BEND6: variants seen among roughly 807,000 people sequenced by gnomAD.
The protein encoded by BEND6 is BEN domain-containing protein 6.
BEND6 carries 24 observed loss-of-function variants against 31.8 expected under a neutral mutation model. That is an observed-to-expected ratio of 0.75 (90% CI 0.55 to 1.06). The LOEUF (loss-of-function observed/expected upper bound fraction) is 1.06, where lower values mean the gene tolerates loss of function less well. Among genes scored for constraint, BEND6 ranks in the 50% least tolerant of loss-of-function variants. The pLI is 0.00. For synonymous variants in BEND6, 109 were observed against 114.6 expected, an observed-to-expected ratio of 0.95 and a Z score of 0.31; for missense variants, 294 against 327.4, an observed-to-expected ratio of 0.90 and a Z score of 0.79.
intron 2 of BEND6, among the ~76,000 whole-genome samples, chr6:56,990,804 A>G (rs1345593098): frequency 6.6e-6 from 1 of 152,134 alleles, no homozygotes; most frequent in African/African-American, 2.4e-5. Flanking sequence ...GGCATAATCA[A>G]TTTTTTAAAA....
rs927098407 is a variant in BEND6 at position 57,026,983 on chromosome 6, T to C, written c.*911T>C. 2.0e-5 allele frequency: 3 copies of C among 152,238 alleles called. No individual in the cohort carries two copies. Among genetic ancestry groups the C allele is most frequent in the Non-Finnish European group, 4.4e-5 (3 of 68,038 alleles). The allele number at this position is 152,238 out of a possible 1,614,324, so 9.4% of individuals were successfully genotyped here. On this transcript the variant is annotated 3_prime_UTR_variant, in exon 7 of 7. Transcript: ENST00000370746. ...TTAGTTTTAACTGGTTTATTTTTAT[T>C]GTAGCAGAAATGAACTGAAAAAAAA...
chr6:56,984,645 T>C (rs1005298482), intron 2 of BEND6, among the ~76,000 whole-genome samples: 4 of 152,246 alleles, frequency 2.6e-5, no homozygotes, highest in African/African-American at 9.6e-5. Flanking sequence ...TTTTGTTCCA[T>C]TGAAATTCAC....
intron 3 of BEND6, chr6:57,009,464 G>A (rs1458093867): frequency 2.6e-5 from 4 of 152,052 alleles, no homozygotes; most frequent in Non-Finnish European, 5.9e-5. Flanking sequence ...TCCCTGAGTA[G>A]TCCTAGAAAC....
intron 6 of BEND6, among the ~76,000 whole-genome samples, chr6:57,023,212 G>C (rs888055256): frequency 6.6e-6 from 1 of 152,152 alleles, no homozygotes; most frequent in Non-Finnish European, 1.5e-5. Flanking sequence ...CCATTATTGA[G>C]AGTGAGGTGT....
chr6:56,999,252 A>C (rs1338163273), intron 3 of BEND6, among the ~76,000 whole-genome samples: 1 of 151,894 alleles, frequency 6.6e-6, no homozygotes, highest in Non-Finnish European at 1.5e-5. Context: ...ACAGAGATTC[A>C]TGGAGATTCT....
At chr6:57,014,671 G>A (rs1217439516) in intron 3 of BEND6, 9 of 611,090 alleles carry the variant, frequency 1.5e-5, no homozygotes, top group East Asian at 3.2e-5. Context: ...AACCATACAC[G>A]AAGGTCATAG....
In BEND6 at chr6:56,992,497, A is replaced by C; in HGVS notation, c.240A>C (p.Lys80Asn). ...CCAAAATAAAAAGCCTGAAAGAAAA[A>C]CTAACAAACACCCGGAAAGAAAACA... The part of the protein sequence containing the change: ...LCAKIKSLKE[K>N]LTNTRKENSR... Residue 80 changes from lysine (K) to asparagine (N), a missense_variant, in exon 3 of 7, where the codon AAA becomes AAC. Physicochemically the swap from Lys to Asn is moderately conservative, Grantham distance 94. Transcript: ENST00000370746. 6.2e-7 allele frequency: 1 copy of C among 1,614,198 alleles called. No homozygotes were observed. Among genetic ancestry groups the C allele is most frequent in the Non-Finnish European group, 8.5e-7 (1 of 1,180,036 alleles).
At chr6:57,023,019 T>C (rs187164555) in intron 6 of BEND6, among the ~76,000 whole-genome samples, 77 of 152,356 alleles carry the variant, frequency 5.1e-4, no homozygotes, top group African/African-American at 1.7e-3. Context: ...TTTGAATTTA[T>C]TGAGACTTGT....
intron 1 of BEND6, among the ~76,000 whole-genome samples, chr6:56,973,462 GATA>G (rs1825761773): frequency 2.6e-5 from 4 of 152,192 alleles, no homozygotes; most frequent in Admixed American, 1.3e-4. Flanking sequence ...ACATACCTAT[GATA>G]ATGTTTAATT....
At position 56,981,803 on chromosome 6, in the gene BEND6, T is replaced by A; in HGVS notation, c.-8T>A. On this transcript the variant is annotated 5_prime_UTR_variant, in exon 2 of 7. The change creates a new upstream start codon in the 5' untranslated region. Coordinates refer to ENST00000370746, the MANE Select transcript of BEND6 (RefSeq NM_152731.3). ...ATTTCAGAAAACCTTTGATAACTAA[T>A]TGAGAAAATGCAGAAGATCGTGCAG... The A allele has an allele frequency of 1.9e-6, 3 of 1,611,458 alleles. No homozygotes were observed. Among genetic ancestry groups the A allele is most frequent in the Non-Finnish European group, 2.5e-6 (3 of 1,179,018 alleles).
Position 57,008,420 on chromosome 6 carries a change from C to A in BEND6, c.299-6713C>A, listed in dbSNP as rs182361198. ...TTTAACTATTTGCTCAATGTCAAGG[C>A]AGTGCTGTGGAAATCTGTCTGTGTA... On this transcript the variant is annotated intron_variant, in intron 3 of 6. Transcript: ENST00000370746. 48 of 585,868 alleles carry A rather than the reference C, an allele frequency of 8.2e-5. No individual in the cohort carries two copies. In the Middle Eastern group the frequency reaches 1.9e-3, roughly 23 times the overall value. 36.3% of individuals were successfully genotyped at this position (585,868 alleles called of 1,614,324 possible).
At chr6:56,977,648 C>A (rs1278576646) in intron 1 of BEND6, among the ~76,000 whole-genome samples, 4 of 152,126 alleles carry the variant, frequency 2.6e-5, no homozygotes, top group Admixed American at 2.0e-4. Context: ...ACAAACCAAG[C>A]AATTGACCCA....
intron 1 of BEND6, chr6:56,975,741 C>T: frequency 1.9e-6 from 1 of 512,878 alleles, no homozygotes; most frequent in Admixed American, 2.1e-5. Context: ...TTCAATTGGT[C>T]CAGGATTATG....
chr6:57,001,153 GTCT>G, intron 3 of BEND6, among the ~76,000 whole-genome samples: 1 of 98,142 alleles, frequency 1.0e-5, no homozygotes, highest in African/African-American at 3.7e-5. Flanking sequence ...TAAAGAAAAA[GTCT>G]TTTTTTTTTT....
intron 3 of BEND6, among the ~76,000 whole-genome samples, chr6:57,002,935 A>G (rs1331042399): frequency 6.6e-6 from 1 of 152,174 alleles, no homozygotes; most frequent in Non-Finnish European, 1.5e-5. Flanking sequence ...TTGAAAGGAT[A>G]AACAAGATTG....
At chr6:57,023,337 T>G (rs570541594) in intron 6 of BEND6, among the ~76,000 whole-genome samples, 1 of 152,346 alleles carries the variant, frequency 6.6e-6, no homozygotes, top group South Asian at 2.1e-4. Context: ...TAAACTATTA[T>G]AGCCTCTTGC....
At chr6:56,955,706 A>G (rs148654899) in intron 1 of BEND6, among the ~76,000 whole-genome samples, 4 of 152,344 alleles carry the variant, frequency 2.6e-5, no homozygotes, top group East Asian at 3.9e-4. Flanking sequence ...GGTTTGCCCT[A>G]AAACCCTGAC....
At chr6:56,966,393 C>T (rs1422298135) in intron 1 of BEND6, among the ~76,000 whole-genome samples, 1 of 152,138 alleles carries the variant, frequency 6.6e-6, no homozygotes, top group Non-Finnish European at 1.5e-5. Flanking sequence ...TGAGCCACTG[C>T]GCCTGGCCTG....
intron 2 of BEND6, among the ~76,000 whole-genome samples, chr6:56,991,554 G>T (rs1288802821): frequency 1.3e-5 from 2 of 151,956 alleles, no homozygotes; most frequent in East Asian, 3.9e-4. Context: ...TAGAGACAGG[G>T]TTTCACCACA....
Sources: allele counts gnomAD v4.1 joint callset (sites outside exome capture counted in the v4.1 genomes callset), GRCh38; gene constraint gnomAD v4.1.1; transcripts MANE v1.5; gene names NCBI Gene and HGNC (gene_info 2026-07-23, HGNC 2026-07-21).